The following ARB2A variants were observed in gnomAD, a reference collection of about 807,000 sequenced individuals.
The protein encoded by ARB2A is cotranscriptional regulator ARB2A.
At chr5:93,861,640 T>A in the ARB2A span, 1 of 152,230 alleles carries the variant, frequency 6.6e-6, no homozygotes. Context: ...ATCACTTGGT[T>A]AGCAATCTTA....
chr5:93,918,516 G>A, the ARB2A span, among the ~76,000 whole-genome samples: 4 of 150,300 alleles, frequency 2.7e-5, no homozygotes, highest in Non-Finnish European at 4.4e-5. Context: ...CTGCCTCCCG[G>A]GTTCAAGTGA....
chr5:93,756,321 T>C, the ARB2A span, among the ~76,000 whole-genome samples: 1 of 152,216 alleles, frequency 6.6e-6, no homozygotes, highest in Non-Finnish European at 1.5e-5. Flanking sequence ...GGACATATAA[T>C]CTTGGGCGTT....
At chr5:93,883,295 C>T in the ARB2A span, among the ~76,000 whole-genome samples, 1 of 151,440 alleles carries the variant, frequency 6.6e-6, no homozygotes, top group African/African-American at 2.4e-5. Context: ...AAACCACCAC[C>T]CATTCTTCAA....
the ARB2A span, among the ~76,000 whole-genome samples, chr5:93,830,060 A>T: frequency 6.6e-6 from 1 of 151,978 alleles, no homozygotes; most frequent in Non-Finnish European, 1.5e-5. Context: ...AGATATTATC[A>T]GTAATTGTAG....
At chr5:93,814,424 G>T in the ARB2A span, among the ~76,000 whole-genome samples, 7 of 152,094 alleles carry the variant, frequency 4.6e-5, no homozygotes. Flanking sequence ...TACTGAAATG[G>T]AAAACTAACC....
At chr5:93,954,375 C>T in the ARB2A span, among the ~76,000 whole-genome samples, 1 of 151,762 alleles carries the variant, frequency 6.6e-6, no homozygotes, top group Non-Finnish European at 1.5e-5. Flanking sequence ...TCCAAGGCAG[C>T]GAGTTCCTCC....
chr5:93,964,826 T>C, the ARB2A span, among the ~76,000 whole-genome samples: 2 of 152,044 alleles, frequency 1.3e-5, no homozygotes, highest in Non-Finnish European at 2.9e-5. Context: ...TCAGTGTTTC[T>C]AAAATTTGTT....
the ARB2A span, among the ~76,000 whole-genome samples, chr5:94,001,082 T>A: frequency 6.6e-5 from 10 of 152,110 alleles, no homozygotes; most frequent in African/African-American, 2.4e-4. Context: ...TTGAGTATTA[T>A]CAGTCCTCCA....
At chr5:93,919,921 A>G in the ARB2A span, among the ~76,000 whole-genome samples, 3 of 152,138 alleles carry the variant, frequency 2.0e-5, no homozygotes, top group East Asian at 5.8e-4. Context: ...TCACAAATTG[A>G]TTATGAGCTT....
the ARB2A span, among the ~76,000 whole-genome samples, chr5:93,879,547 A>C: frequency 6.6e-6 from 1 of 152,034 alleles, no homozygotes. Context: ...GAAAGAGAGC[A>C]GGTCTTAACA....
chr5:93,856,885 G>A, the ARB2A span, among the ~76,000 whole-genome samples: 1 of 151,866 alleles, frequency 6.6e-6, no homozygotes, highest in African/African-American at 2.4e-5. Flanking sequence ...CAGTTTTTCT[G>A]CTCTGTTTTT....
chr5:94,038,079 A>G, the ARB2A span, among the ~76,000 whole-genome samples: 1 of 152,086 alleles, frequency 6.6e-6, no homozygotes, highest in Non-Finnish European at 1.5e-5. Context: ...TTTTCAAGAT[A>G]TATATCAAAG....
At chr5:93,664,394 C>CGA in the ARB2A span, among the ~76,000 whole-genome samples, 1 of 152,042 alleles carries the variant, frequency 6.6e-6, no homozygotes, top group African/African-American at 2.4e-5. Flanking sequence ...GAGGCCATCA[C>CGA]ACCTGGGCTA....
the ARB2A span, among the ~76,000 whole-genome samples, chr5:93,777,596 T>C: frequency 1.3e-5 from 2 of 150,008 alleles, no homozygotes; most frequent in African/African-American, 4.9e-5. Context: ...TTTTTTTTTT[T>C]AAAGAAATCA....
the ARB2A span, among the ~76,000 whole-genome samples, chr5:94,029,844 T>C: frequency 6.6e-6 from 1 of 152,188 alleles, no homozygotes; most frequent in African/African-American, 2.4e-5. Flanking sequence ...TAATGGCGTA[T>C]TAATCTGTTT....
chr5:94,009,896 A>C, the ARB2A span, among the ~76,000 whole-genome samples: 1 of 151,572 alleles, frequency 6.6e-6, no homozygotes, highest in East Asian at 1.9e-4. Flanking sequence ...CGTATCTAAA[A>C]ATTGTCAATT....
the ARB2A span, among the ~76,000 whole-genome samples, chr5:93,706,339 A>G: frequency 1.3e-5 from 2 of 152,254 alleles, no homozygotes; most frequent in Admixed American, 1.3e-4. Flanking sequence ...AATGTTCAGA[A>G]TAGCAAATGC....
the ARB2A span, among the ~76,000 whole-genome samples, chr5:93,771,783 A>T: frequency 9.9e-5 from 15 of 152,202 alleles, no homozygotes; most frequent in African/African-American, 3.1e-4. Context: ...TTAGAATGGC[A>T]ATCATTAAAA....
the ARB2A span, among the ~76,000 whole-genome samples, chr5:93,920,895 T>A: frequency 6.6e-6 from 1 of 152,158 alleles, no homozygotes; most frequent in African/African-American, 2.4e-5. Context: ...GTCTCTTCAG[T>A]AAATTGCATA....
Sources: gnomAD v4.1 joint callset for allele counts (sites outside exome capture counted in the v4.1 genomes callset) on GRCh38, gnomAD v4.1.1 for gene constraint, MANE v1.5 for transcripts, NCBI Gene and HGNC (gene_info 2026-07-23, HGNC 2026-07-21) for gene names.